Variants in KIAA1614 observed in about 807,000 individuals in gnomAD.
KIAA1614 encodes KIAA1614.
A neutral mutation model predicts 88.7 loss-of-function variants in KIAA1614; 76 were observed. The ratio of observed to expected loss-of-function variants is 0.86; its 90% CI spans 0.71 to 1.04. KIAA1614 has a LOEUF of 1.04. Among genes scored for constraint, KIAA1614 ranks in the 50% least tolerant of loss-of-function variants. The pLI, the probability that KIAA1614 is intolerant of heterozygous loss-of-function variation, is 0.00. For synonymous variants in KIAA1614, 714 were observed against 675.5 expected (o/e 1.06, Z -0.88); for missense variants, 1,553 against 1,582.5 (o/e 0.98, Z 0.32).
intron 4 of KIAA1614, among the ~76,000 whole-genome samples, chr1:180,933,202 G>C (rs1244174469): frequency 6.6e-6 from 1 of 152,190 alleles, no homozygotes; most frequent in African/African-American, 2.4e-5. Flanking sequence ...ATGCTACTAG[G>C]CTAAGAAGAA....
chr1:180,932,902 G>A (rs1654233449), intron 4 of KIAA1614, among the ~76,000 whole-genome samples: 1 of 152,018 alleles, frequency 6.6e-6, no homozygotes, highest in Non-Finnish European at 1.5e-5. Flanking sequence ...ACCACTCCCG[G>A]CTAATTTTTT....
chr1:180,913,192 C>A lies in KIAA1614; in HGVS notation c.-52C>A. 2 of 1,214,344 alleles carry A rather than the reference C, an allele frequency of 1.6e-6. No individual in the cohort carries two copies. The highest frequency in any genetic ancestry group is 2.1e-6 in the Non-Finnish European group (2 of 957,962). 75.2% of individuals were successfully genotyped at this position (1,214,344 alleles called of 1,614,324 possible). On this transcript the variant is annotated 5_prime_UTR_variant, in exon 1 of 9. Transcript: ENST00000367588. ...GCTGGAAGTCCCTCCCCGAACCCAGCAGCTGGCCTGGGAGGGAGAAGGGGC... is the reference window on the plus strand; with the variant it reads ...GCTGGAAGTCCCTCCCCGAACCCAGAAGCTGGCCTGGGAGGGAGAAGGGGC...
rs777658675 is a variant in KIAA1614, at chr1:180,935,716, G to C, written c.1807G>C (p.Val603Leu). The C allele has an allele frequency of 6.2e-7, 1 of 1,613,684 alleles. No homozygotes were observed. The change falls in exon 5 of 9, where the codon GTG becomes CTG. Residue 603 changes from valine to leucine, a missense_variant. Transcript: ENST00000367588. The surrounding 1 kb of genome is among the most constrained non-coding windows in gnomAD (Gnocchi z 6.1). ...CCGGGAAACACACATCGGAGACACC[G>C]TGTGCCCTGCGGAGGTGGACTCTGC... ...WIRETHIGDTVCPAEVDSALD... is the reference protein window; with the variant it reads ...WIRETHIGDTLCPAEVDSALD...
chr1:180,941,687 T>C (rs1463897313), intron 7 of KIAA1614, among the ~76,000 whole-genome samples: 4 of 152,212 alleles, frequency 2.6e-5, no homozygotes, highest in Non-Finnish European at 4.4e-5. Context: ...CTCCCTGCCA[T>C]GGTCCTGCAT....
At chr1:180,927,989 C>T (rs564735650) in intron 3 of KIAA1614, among the ~76,000 whole-genome samples, 29 of 152,156 alleles carry the variant, frequency 1.9e-4, no homozygotes, top group Admixed American at 5.9e-4. Context: ...TGCAGAGAGA[C>T]AGAAGGAGAG....
In KIAA1614 at chr1:180,949,925, T is replaced by G. The variant is rs973986289; in HGVS notation, c.*4337T>G. 2 of 152,276 alleles carry G rather than the reference T, an allele frequency of 1.3e-5. No homozygotes were observed. The highest frequency in any genetic ancestry group is 2.9e-5 in the Non-Finnish European group (2 of 68,084). 9.4% of individuals were successfully genotyped at this position (152,276 alleles called of 1,614,324 possible). A position where few individuals can be genotyped will look rare whatever the true frequency, so the allele number is the denominator to read the frequency against. ...GTGACCTGAGGCAGCAACTGGATCATAGTGCCAGGCACTGAGTAGGTATGG... is the reference window on the plus strand; with the variant it reads ...GTGACCTGAGGCAGCAACTGGATCAGAGTGCCAGGCACTGAGTAGGTATGG... On this transcript the variant is annotated 3_prime_UTR_variant, in exon 9 of 9. Transcript: ENST00000367588.
Position 180,916,808 on chromosome 1 carries a change from C to G in KIAA1614, c.705C>G (p.Ser235Arg). Reference sequence around the variant, plus strand: ...GTAACAAAATCATCCACATTCCCAGCCCAAGGACAGGAAGGTCCTACCCTT... The same window carrying G: ...GTAACAAAATCATCCACATTCCCAGGCCAAGGACAGGAAGGTCCTACCCTT... ...GHCNKIIHIPSPRTGRSYPFP... is the reference protein window; with the variant it reads ...GHCNKIIHIPRPRTGRSYPFP... Residue 235 changes from serine (S) to arginine (R), a missense_variant, in exon 2 of 9, where the codon AGC becomes AGG. Coordinates refer to ENST00000367588, the MANE Select transcript of KIAA1614 (RefSeq NM_020950.2). The G allele has an allele frequency of 6.2e-7, 1 of 1,614,216 alleles. No homozygotes were observed. The highest frequency in any genetic ancestry group is 8.5e-7 in the Non-Finnish European group (1 of 1,180,024).
At chr1:180,939,387 C>A (rs1654405188) in intron 6 of KIAA1614, among the ~76,000 whole-genome samples, 1 of 152,194 alleles carries the variant, frequency 6.6e-6, no homozygotes, top group African/African-American at 2.4e-5. Flanking sequence ...GCCTCTCAAA[C>A]AAAAAGCTCA....
intron 4 of KIAA1614, among the ~76,000 whole-genome samples, chr1:180,932,606 C>T (rs1274140677): frequency 1.3e-5 from 2 of 152,126 alleles, no homozygotes; most frequent in East Asian, 1.9e-4. Context: ...ACAGGCTGAC[C>T]GACACCTCTT....
chr1:180,914,154 CAA>C (rs1180099035), intron 1 of KIAA1614: 32 of 107,888 alleles, frequency 3.0e-4, no homozygotes, highest in African/African-American at 1.1e-3. Flanking sequence ...AAGTTTACTT[CAA>C]GGGGGGGGGG....
rs1474043841 is a variant in KIAA1614 at position 180,913,209 on chromosome 1, A to C, written c.-35A>C. The C allele has an allele frequency of 2.4e-6, 3 of 1,251,392 alleles. No homozygotes were observed. The allele number at this position is 1,251,392 out of a possible 1,614,324, so 77.5% of individuals were successfully genotyped here. A position where few individuals can be genotyped will look rare whatever the true frequency, so the allele number is the denominator to read the frequency against. ...GAACCCAGCAGCTGGCCTGGGAGGGAGAAGGGGCTGGAGAGGGCCTGGCCT... is the reference window on the plus strand; with the variant it reads ...GAACCCAGCAGCTGGCCTGGGAGGGCGAAGGGGCTGGAGAGGGCCTGGCCT... On this transcript the variant is annotated 5_prime_UTR_variant, in exon 1 of 9. Coordinates refer to ENST00000367588, the MANE Select transcript of KIAA1614 (RefSeq NM_020950.2).
chr1:180,931,434 C>T (rs912361793), intron 4 of KIAA1614, among the ~76,000 whole-genome samples: 10 of 152,180 alleles, frequency 6.6e-5, no homozygotes, highest in Non-Finnish European at 1.5e-4. Context: ...GCAGCGGGAT[C>T]CTCCCCTAGA....
chr1:180,943,025 T>TG (rs1654502152), intron 7 of KIAA1614, among the ~76,000 whole-genome samples: 5 of 103,858 alleles, frequency 4.8e-5, no homozygotes, highest in African/African-American at 6.8e-5. Context: ...CTTAGTTTTT[T>TG]GGGTTTTTTT....
Position 180,935,824 on chromosome 1 carries a change from C to T in KIAA1614, c.1915C>T (p.Arg639Trp), listed in dbSNP as rs1282635093. 9.3e-6 allele frequency: 15 copies of T among 1,613,532 alleles called. No individual in the cohort carries two copies. The highest frequency in any genetic ancestry group is 1.3e-5 in the Non-Finnish European group (15 of 1,179,868). The change falls in exon 5 of 9, where the codon CGG (arginine) becomes TGG (tryptophan). Residue 639 changes from arginine to tryptophan, a missense_variant. By Grantham distance (101) the Arg-to-Trp change is moderately radical. Coordinates refer to ENST00000367588, the MANE Select transcript of KIAA1614 (RefSeq NM_020950.2). The surrounding 1 kb of genome is among the most constrained non-coding windows in gnomAD (Gnocchi z 6.1). ...CTCTCAGGCTGGCTGGGCGTGTGGG[C>T]GGACCCAAGGCAGCAGCCCGCGACT... ...GTSQAGWACG[R>W]TQGSSPRLRL... is the part of the protein sequence containing the mutation.
intron 3 of KIAA1614, among the ~76,000 whole-genome samples, chr1:180,922,967 G>T (rs112471194): frequency 1.2e-3 from 186 of 152,252 alleles, no homozygotes; most frequent in African/African-American, 4.3e-3. Flanking sequence ...TCCTTCCTTG[G>T]GTTTAATTTT....
intron 7 of KIAA1614, among the ~76,000 whole-genome samples, chr1:180,941,701 G>A (rs892542030): frequency 2.0e-5 from 3 of 152,160 alleles, no homozygotes; most frequent in African/African-American, 7.2e-5. Context: ...CCTGCATGTG[G>A]CTTCCAGAGT....
chr1:180,913,477 G>A (rs1249359675), intron 1 of KIAA1614, among the ~76,000 whole-genome samples, 184 bp downstream of exon 1: 1 of 152,168 alleles, frequency 6.6e-6, no homozygotes, highest in Admixed American at 6.5e-5. Context: ...CTGAGTTAGG[G>A]GAAATACATC....
rs1000159288 is a variant in KIAA1614 at position 180,924,724 on chromosome 1, C to A, written c.1062-3706C>A. On this transcript the variant is annotated intron_variant, in intron 3 of 8. Transcript: ENST00000367588. ...AAAGTCCAGAGCAAAGCCACCAGGT[C>A]CCCTCCAGCTACAAGATGGTGTTTG... 2.0e-5 allele frequency among the ~76,000 whole-genome samples: 3 copies of A among 152,242 alleles called. No homozygotes were observed. The East Asian group carries it at 5.8e-4, about 29-fold the overall frequency.
intron 6 of KIAA1614, among the ~76,000 whole-genome samples, chr1:180,939,122 G>C (rs1040797979): frequency 5.9e-5 from 9 of 152,172 alleles, no homozygotes; most frequent in Admixed American, 2.0e-4. Flanking sequence ...GGGGGAGAAG[G>C]GGGGAGTGGG....
Sources: gnomAD v4.1 joint callset for allele counts (sites outside exome capture counted in the v4.1 genomes callset) on GRCh38, gnomAD v4.1.1 for gene constraint, Gnocchi (gnomAD v3.1) non-coding constraint, MANE v1.5 for transcripts, NCBI Gene and HGNC (gene_info 2026-07-23, HGNC 2026-07-21) for gene names.